The following WWOX variants were observed in gnomAD, a reference collection of about 807,000 sequenced individuals.
The protein encoded by WWOX is WW domain containing oxidoreductase, also known as WW domain-containing oxidoreductase.
WWOX carries 69 observed loss-of-function variants against 46.2 expected under a neutral mutation model. The ratio of observed to expected loss-of-function variants is 1.49; its 90% CI spans 1.23 to 1.82. The LOEUF is 1.82. Among genes scored for constraint, WWOX ranks in the 40% most tolerant of loss-of-function variants. The probability of loss-of-function intolerance (pLI) is 0.00; values close to 1 mark genes in which losing one functional copy is unlikely to be tolerated. For synonymous variants in WWOX, 359 were observed against 202.6 expected (o/e 1.77, Z -6.56); for missense variants, 919 against 542.6 (o/e 1.69, Z -6.89).
chr16:78,100,442 T>C lies in WWOX; in HGVS notation c.107+557T>C, dbSNP rs181235642. Among the ~76,000 whole-genome samples, 13 of 152,268 alleles carry C rather than the reference T, an allele frequency of 8.5e-5. No homozygotes were observed. The East Asian group carries it at 2.3e-3, about 27-fold the overall frequency. On this transcript the variant is annotated intron_variant, in intron 1 of 8. Coordinates refer to ENST00000566780, the MANE Select transcript of WWOX (RefSeq NM_016373.4). ...TAATTTTTTAAGTATTTGTAGAGAC[T>C]AGGGTCGCACCATGTTGCCCAGGCT...
intron 5 of WWOX, among the ~76,000 whole-genome samples, chr16:78,175,029 T>TAATAAGAAG (rs879644346): frequency 7.7e-6 from 1 of 129,752 alleles, no homozygotes; most frequent in East Asian, 2.0e-4. Context: ...ATAATAATAA[T>TAATAAGAAG]AAGAATCTGA....
At chr16:79,183,138 A>G (rs72797442) in intron 8 of WWOX, among the ~76,000 whole-genome samples, 13 of 152,348 alleles carry the variant, frequency 8.5e-5, no homozygotes, top group Admixed American at 2.0e-4. Flanking sequence ...GGAAGACCCA[A>G]GCCGAGGGGA....
chr16:79,081,105 C>A (rs1007003977), intron 8 of WWOX, among the ~76,000 whole-genome samples: 1 of 152,086 alleles, frequency 6.6e-6, no homozygotes, highest in Non-Finnish European at 1.5e-5. Context: ...GTCATTGTTT[C>A]CATCCCCTGT....
At chr16:78,731,893 G>C (rs1233705952) in intron 8 of WWOX, among the ~76,000 whole-genome samples, 3 of 135,820 alleles carry the variant, frequency 2.2e-5, no homozygotes, top group Non-Finnish European at 4.5e-5. Flanking sequence ...TATAGCCCAA[G>C]CTGGAGTGCA....
chr16:78,989,313 A>T (rs74580478), intron 8 of WWOX, among the ~76,000 whole-genome samples: 5,806 of 152,262 alleles, frequency 0.038, 198 homozygotes, highest in Non-Finnish European at 0.052. Context: ...TCAAGAGCTA[A>T]ATACATTAGC....
chr16:78,294,634 T>C (rs1430480161), intron 5 of WWOX, among the ~76,000 whole-genome samples: 1 of 144,626 alleles, frequency 6.9e-6, no homozygotes, highest in Non-Finnish European at 1.5e-5. Flanking sequence ...AAAAGGATAG[T>C]CTAAATACAG....
At chr16:78,405,249 A>T (rs1404722226) in intron 6 of WWOX, among the ~76,000 whole-genome samples, 3 of 152,230 alleles carry the variant, frequency 2.0e-5, no homozygotes, top group African/African-American at 7.2e-5. Flanking sequence ...GGTGGTCTCC[A>T]GGGGACACAG....
At chr16:78,549,730 G>A (rs2044131388) in intron 8 of WWOX, among the ~76,000 whole-genome samples, 3 of 152,158 alleles carry the variant, frequency 2.0e-5, no homozygotes. Flanking sequence ...AGTACATTCT[G>A]AACGGCTTAA....
intron 8 of WWOX, among the ~76,000 whole-genome samples, chr16:79,183,443 G>A (rs2050951823): frequency 6.6e-6 from 1 of 152,194 alleles, no homozygotes; most frequent in African/African-American, 2.4e-5. Context: ...AGACATAAAA[G>A]CTTAGGCTCA....
At chr16:78,672,920 T>A (rs2047501839) in intron 8 of WWOX, among the ~76,000 whole-genome samples, 1 of 152,192 alleles carries the variant, frequency 6.6e-6, no homozygotes, top group South Asian at 2.1e-4. Context: ...GCCTTCCTCC[T>A]TCGTCTCTCT....
At chr16:78,627,346 C>G (rs918807909) in intron 8 of WWOX, among the ~76,000 whole-genome samples, 1 of 152,134 alleles carries the variant, frequency 6.6e-6, no homozygotes, top group African/African-American at 2.4e-5. Flanking sequence ...ATGGAGAAGA[C>G]CTGAATCCTA....
intron 8 of WWOX, among the ~76,000 whole-genome samples, chr16:79,005,024 G>C (rs1219448779): frequency 6.6e-6 from 1 of 152,168 alleles, no homozygotes; most frequent in South Asian, 2.1e-4. Flanking sequence ...GGAAGGAAGA[G>C]GAAAAAGCAC....
chr16:78,726,663 T>C (rs545303249), intron 8 of WWOX, among the ~76,000 whole-genome samples: 3 of 152,062 alleles, frequency 2.0e-5, no homozygotes, highest in Non-Finnish European at 2.9e-5. Context: ...CTAAACAATT[T>C]ATTAGGGCTT....
At chr16:79,194,556 G>A (rs1378364473) in intron 8 of WWOX, among the ~76,000 whole-genome samples, 2 of 151,600 alleles carry the variant, frequency 1.3e-5, no homozygotes, top group African/African-American at 4.9e-5. Context: ...CGGCTCCGAC[G>A]TTACAGGCAG....
At chr16:78,275,303 A>G (rs981142093) in intron 5 of WWOX, among the ~76,000 whole-genome samples, 1 of 152,000 alleles carries the variant, frequency 6.6e-6, no homozygotes, top group African/African-American at 2.4e-5. Flanking sequence ...TTGCTCCCAC[A>G]TTTCCCGGGC....
intron 8 of WWOX, among the ~76,000 whole-genome samples, chr16:79,159,055 G>C (rs1361971492): frequency 2.0e-5 from 3 of 152,214 alleles, no homozygotes; most frequent in Admixed American, 6.5e-5. Flanking sequence ...GAAAGAAATA[G>C]TGCATGGATT....
chr16:78,692,028 T>G (rs150478275), intron 8 of WWOX, among the ~76,000 whole-genome samples: 14 of 152,316 alleles, frequency 9.2e-5, no homozygotes, highest in Non-Finnish European at 1.5e-4. Flanking sequence ...ATGTAAGAAG[T>G]GCCTTTTGCC....
At chr16:78,345,639 CA>C (rs1193432164) in intron 5 of WWOX, among the ~76,000 whole-genome samples, 5,415 of 24,926 alleles carry the variant, frequency 0.22, 386 homozygotes, top group South Asian at 0.42. Flanking sequence ...GACCCTGTCT[CA>C]AAAAAAAAAA....
At chr16:78,756,040 G>A (rs1408398613) in intron 8 of WWOX, among the ~76,000 whole-genome samples, 1 of 152,142 alleles carries the variant, frequency 6.6e-6, no homozygotes. Context: ...TATGAACTCT[G>A]AGGCATGAGA....
Sources: gnomAD v4.1 joint callset for allele counts (sites outside exome capture counted in the v4.1 genomes callset) on GRCh38, gnomAD v4.1.1 for gene constraint, MANE v1.5 for transcripts, NCBI Gene and HGNC (gene_info 2026-07-23, HGNC 2026-07-21) for gene names.